GSG1: variants seen among roughly 807,000 people sequenced by gnomAD.
GSG1 encodes the protein germ cell associated 1.
GSG1 carries 28 observed loss-of-function variants against 30.8 expected under a neutral mutation model. The observed-to-expected ratio is 0.91, with a 90% CI of 0.67 to 1.25. The LOEUF is 1.25. Ranked by LOEUF, GSG1 falls within the 50% of genes most tolerant of loss-of-function variation. GSG1 has a pLI of 0.00. For synonymous variants in GSG1, 162 were observed against 178.0 expected, an observed-to-expected ratio of 0.91 and a Z score of 0.71; for missense variants, 435 against 444.7, an observed-to-expected ratio of 0.98 and a Z score of 0.20.
rs970067909 is a variant in GSG1, at chr12:13,101,290, T to A, written c.48+2175A>T. ...TGAGTAACGCGCCGTCTCTCCCGTT[T>A]ACTACGGCGCCCGGTCGCCTAGCAG... On this transcript the variant is annotated intron_variant, in intron 1 of 6. Transcript: ENST00000651961. The surrounding 1 kb of genome is among the most constrained non-coding windows in gnomAD (Gnocchi z 5.8). 2.6e-5 allele frequency among the ~76,000 whole-genome samples: 4 copies of A among 152,206 alleles called. No homozygotes were observed. Among genetic ancestry groups the A allele is most frequent in the Non-Finnish European group, 2.9e-5 (2 of 67,982 alleles).
In GSG1 at chr12:13,088,927, C is replaced by G. The variant is rs754485360; in HGVS notation, c.434-18G>C. Reference sequence around the variant, plus strand: ...CCTCTCCCCTGAAACATACAAGGTACAACGTCATGGAGCTACTCCCTGGGA... The same window carrying G: ...CCTCTCCCCTGAAACATACAAGGTAGAACGTCATGGAGCTACTCCCTGGGA... On this transcript the variant is annotated intron_variant, in intron 3 of 6. Transcript: ENST00000651961. 1 of 1,613,846 alleles carries G rather than the reference C, an allele frequency of 6.2e-7. No homozygotes were observed. Among genetic ancestry groups the G allele is most frequent in the Admixed American group, 1.7e-5 (1 of 60,018 alleles).
At chr12:13,085,497 A>G (rs116632504) in intron 6 of GSG1, among the ~76,000 whole-genome samples, 5 of 151,966 alleles carry the variant, frequency 3.3e-5, no homozygotes, top group East Asian at 1.9e-4. Context: ...TGTCGGTGCC[A>G]TGCCCTTTTC....
At chr12:13,087,113 G>T in intron 6 of GSG1, 39 bp downstream of exon 6, 1 of 1,387,162 alleles carries the variant, frequency 7.2e-7, no homozygotes, top group Non-Finnish European at 1.0e-6. Flanking sequence ...CGTGAAGGTT[G>T]GCTGGGGCTA....
chr12:13,088,836 G>A (rs764536126), intron 4 of GSG1, 26 bp downstream of exon 4: 30 of 1,614,044 alleles, frequency 1.9e-5, no homozygotes, highest in Middle Eastern at 1.6e-4. Flanking sequence ...CTTGCAACGT[G>A]GCAAATTCCA....
intron 1 of GSG1, among the ~76,000 whole-genome samples, chr12:13,099,557 C>T (rs1355764956): frequency 6.6e-6 from 1 of 152,174 alleles, no homozygotes; most frequent in East Asian, 1.9e-4. Flanking sequence ...GGCTGTGCAT[C>T]AAGAGAAAAC....
chr12:13,098,014 T>C lies in GSG1; in HGVS notation c.48+5451A>G, dbSNP rs568981281. ...ATGTCTGCTCTCCTCAGACTGATGTTAACAAGCAAATTTGATAAACATGTG... is the reference window on the plus strand; with the variant it reads ...ATGTCTGCTCTCCTCAGACTGATGTCAACAAGCAAATTTGATAAACATGTG... On this transcript the variant is annotated intron_variant, in intron 1 of 6. Transcript: ENST00000651961. Among the ~76,000 whole-genome samples the C allele has an allele frequency of 1.2e-4, 19 of 152,344 alleles. No homozygotes were observed. In the South Asian group the frequency reaches 3.3e-3, roughly 27 times the overall value.
intron 1 of GSG1, among the ~76,000 whole-genome samples, chr12:13,091,484 G>A (rs555961889): frequency 3.9e-4 from 59 of 152,162 alleles, no homozygotes; most frequent in Non-Finnish European, 7.8e-4. Context: ...TGGGAGGATC[G>A]CTTGAGTTCA....
At position 13,090,622 on chromosome 12, in the gene GSG1, G is replaced by T. The variant is rs558492764; in HGVS notation, c.245C>A (p.Thr82Asn). The change falls in exon 2 of 7, where the codon ACC becomes AAC. Residue 82 changes from threonine to asparagine, a missense_variant. Coordinates refer to ENST00000651961, the MANE Select transcript of GSG1 (RefSeq NM_001080555.4). ...FDMPVSLDGD[T>N]NTSTQEVVQY... ...TACCACCTCCTGGGTGGATGTGTTG[G>T]TATCTCCATCCAGGGACACTGGCAT... is the stretch of plus-strand genomic sequence containing the variant. 3.7e-6 allele frequency: 6 copies of T among 1,614,198 alleles called. No individual in the cohort carries two copies. In the African/African-American group the frequency reaches 4.0e-5, roughly 11 times the overall value.
chr12:13,091,284 C>T (rs1866112321), intron 1 of GSG1, among the ~76,000 whole-genome samples: 2 of 152,358 alleles, frequency 1.3e-5, no homozygotes, highest in South Asian at 4.1e-4. Flanking sequence ...GCTTGTGTGA[C>T]TGTAGGTCAT....
At chr12:13,094,425 G>A (rs1866464268) in intron 1 of GSG1, among the ~76,000 whole-genome samples, 1 of 152,230 alleles carries the variant, frequency 6.6e-6, no homozygotes, top group South Asian at 2.1e-4. Context: ...AGAATTGTCA[G>A]TTCTTGCAAG....
chr12:13,099,765 T>TTTTTG (rs1565551478), intron 1 of GSG1, among the ~76,000 whole-genome samples: 3 of 149,458 alleles, frequency 2.0e-5, no homozygotes, highest in Non-Finnish European at 1.5e-5. Context: ...TTTTTTTTTT[T>TTTTTG]TTTGTTTTTT....
chr12:13,103,397 T>C, intron 1 of GSG1, 68 bp downstream of exon 1: 1 of 1,153,132 alleles, frequency 8.7e-7, no homozygotes, highest in Non-Finnish European at 1.3e-6. Flanking sequence ...GTGTAACCTG[T>C]GTTACAAATC....
intron 1 of GSG1, among the ~76,000 whole-genome samples, chr12:13,102,449 A>G (rs1863282856): frequency 6.6e-6 from 1 of 152,236 alleles, no homozygotes; most frequent in Admixed American, 6.5e-5. Flanking sequence ...CTAAGCCATG[A>G]CTGGCTTTTT....
chr12:13,091,669 A>G (rs1866158360), intron 1 of GSG1, among the ~76,000 whole-genome samples: 1 of 152,222 alleles, frequency 6.6e-6, no homozygotes, highest in Non-Finnish European at 1.5e-5. Context: ...ATGCCACTGC[A>G]CTCCAGTCTG....
chr12:13,087,766 A>C (rs2120650302), intron 5 of GSG1, 141 bp downstream of exon 5: 1 of 782,042 alleles, frequency 1.3e-6, no homozygotes, highest in Non-Finnish European at 2.0e-6. Context: ...TGTTACTTCA[A>C]TTTAAAATTA....
intron 1 of GSG1, chr12:13,095,777 C>T: frequency 6.6e-7 from 1 of 1,522,112 alleles, no homozygotes; most frequent in Non-Finnish European, 8.8e-7. Flanking sequence ...TTAAATGCTG[C>T]CTTACAGGGA....
chr12:13,094,203 T>C (rs1591647695), intron 1 of GSG1, among the ~76,000 whole-genome samples: 1 of 152,204 alleles, frequency 6.6e-6, no homozygotes, highest in African/African-American at 2.4e-5. Context: ...AAGAGAGAAC[T>C]TTACCTGAGA....
chr12:13,084,327 C>CT lies in GSG1; in HGVS notation c.*573dup, dbSNP rs1439270453. 1 of 152,468 alleles carries CT rather than the reference C, an allele frequency of 6.6e-6. No individual in the cohort carries two copies. The highest frequency in any genetic ancestry group is 1.5e-5 in the Non-Finnish European group (1 of 68,318). 9.4% of individuals were successfully genotyped at this position (152,468 alleles called of 1,614,324 possible). A position where few individuals can be genotyped will look rare whatever the true frequency, so the allele number is the denominator to read the frequency against. On this transcript the variant is annotated 3_prime_UTR_variant, in exon 7 of 7. Transcript: ENST00000651961. ...TGGCGCCTTCTCATGTTAAACCACT[C>CT]TCCTAAGGGCTCCTGGGACAATATT...
At position 13,089,193 on chromosome 12, in the gene GSG1, AGT is replaced by A; in HGVS notation, c.433+13_433+14del. On this transcript the variant is annotated intron_variant, in intron 3 of 6. Transcript: ENST00000651961. ...CGTGTCCAGAAGAGTTAATGATCTT[AGT>A]GTTAACTAATACCTTTTGCTGCCGC... 1 of 1,552,398 alleles carries A rather than the reference AGT, an allele frequency of 6.4e-7. No individual in the cohort carries two copies. Among genetic ancestry groups the A allele is most frequent in the Non-Finnish European group, 8.7e-7 (1 of 1,147,302 alleles).
Sources: allele counts gnomAD v4.1 joint callset (sites outside exome capture counted in the v4.1 genomes callset), GRCh38; gene constraint gnomAD v4.1.1; non-coding constraint Gnocchi (gnomAD v3.1); transcripts MANE v1.5; gene names NCBI Gene and HGNC (gene_info 2026-07-23, HGNC 2026-07-21).